MAPKAPK5: variants seen among roughly 807,000 people sequenced by gnomAD.
MAPKAPK5 encodes the protein MAPK activated protein kinase 5.
A neutral mutation model predicts 65.1 loss-of-function variants in MAPKAPK5; 30 were observed. The ratio of observed to expected loss-of-function variants is 0.46; its 90% confidence interval spans 0.34 to 0.63. The LOEUF (loss-of-function observed/expected upper bound fraction) is 0.63. Among genes scored for constraint, MAPKAPK5 ranks in the 20% least tolerant of loss-of-function variants. The pLI is 0.01. For missense variants in MAPKAPK5, 433 were observed against 581.4 expected, an observed-to-expected ratio of 0.74 and a Z score of 2.63; for synonymous variants, 179 against 204.6, an observed-to-expected ratio of 0.87 and a Z score of 1.07.
At chr12:111,867,776 T>C in intron 4 of MAPKAPK5, 107 bp downstream of exon 4, 1 of 801,228 alleles carries the variant, frequency 1.2e-6, no homozygotes, top group East Asian at 2.5e-5. Context: ...TTCTTCCTCC[T>C]ACCCTCGCTT....
intron 1 of MAPKAPK5, among the ~76,000 whole-genome samples, chr12:111,864,465 G>T (rs1425937568): frequency 2.6e-5 from 4 of 152,162 alleles, no homozygotes; most frequent in Non-Finnish European, 5.9e-5. Context: ...CTCCTAAAGT[G>T]CTGGGATTAC....
At position 111,899,823 on chromosome 12, in the gene MAPKAPK5, C is replaced by G; in HGVS notation, c.*6762C>G. The G allele has an allele frequency of 2.3e-6, 1 of 434,676 alleles. No individual in the cohort carries two copies. The allele number at this position is 434,676 out of a possible 1,614,324, so 26.9% of individuals were successfully genotyped here. A position where few individuals can be genotyped will look rare whatever the true frequency, so the allele number is the denominator to read the frequency against. ...TACAGCATTGAGCCCATGGACTCTT[C>G]AAGACGGTTTGAACATGTGTTATAC... is the stretch of plus-strand genomic sequence containing the variant. On this transcript the variant is annotated 3_prime_UTR_variant, in exon 14 of 14. Coordinates refer to ENST00000550735, the MANE Select transcript of MAPKAPK5 (RefSeq NM_003668.4).
In MAPKAPK5 at chr12:111,897,309, A is replaced by C. The variant is rs955472248; in HGVS notation, c.*4248A>C. On this transcript the variant is annotated 3_prime_UTR_variant, in exon 14 of 14. Coordinates refer to ENST00000550735, the MANE Select transcript of MAPKAPK5 (RefSeq NM_003668.4). ...ATGTTGCTTGTATTCATTTGAGAAA[A>C]AATGAGTTGAAGAAATGGTAATTGT... 2 of 152,218 alleles carry C rather than the reference A, an allele frequency of 1.3e-5. No individual in the cohort carries two copies. Among genetic ancestry groups the C allele is most frequent in the African/African-American group, 4.8e-5 (2 of 41,464 alleles). The allele number at this position is 152,218 out of a possible 1,614,324, so 9.4% of individuals were successfully genotyped here.
rs181868195 is a variant in MAPKAPK5, at chr12:111,897,280, G to A, written c.*4219G>A. The A allele has an allele frequency of 6.6e-6, 1 of 152,316 alleles. No homozygotes were observed. The highest frequency in any genetic ancestry group is 2.4e-5 in the African/African-American group (1 of 41,564). 9.4% of individuals were successfully genotyped at this position (152,316 alleles called of 1,614,324 possible). A position where few individuals can be genotyped will look rare whatever the true frequency, so the allele number is the denominator to read the frequency against. Reference sequence around the variant, plus strand: ...TGGCAGGAATTACTCTTTAAAAAGAGTTTATGTTGCTTGTATTCATTTGAG... The same window carrying A: ...TGGCAGGAATTACTCTTTAAAAAGAATTTATGTTGCTTGTATTCATTTGAG... On this transcript the variant is annotated 3_prime_UTR_variant, in exon 14 of 14. Coordinates refer to ENST00000550735, the MANE Select transcript of MAPKAPK5 (RefSeq NM_003668.4).
At chr12:111,842,920 C>T (rs934477265) in intron 1 of MAPKAPK5, 151 bp downstream of exon 1, 15 of 674,472 alleles carry the variant, frequency 2.2e-5, no homozygotes, top group Admixed American at 4.4e-5. Flanking sequence ...GCTTTACAGC[C>T]CTGGGGCCAA....
At position 111,865,391 on chromosome 12, in the gene MAPKAPK5, A is replaced by C. The variant is rs12423814; in HGVS notation, c.110+68A>C. The C allele has an allele frequency of 9.2e-4, 986 of 1,066,776 alleles. 10 individuals are homozygous for C. The Admixed American group carries it at 0.012, about 13-fold the overall frequency. The allele number at this position is 1,066,776 out of a possible 1,614,324, so 66.1% of individuals were successfully genotyped here. On this transcript the variant is annotated intron_variant, in intron 2 of 13. Coordinates refer to ENST00000550735, the MANE Select transcript of MAPKAPK5 (RefSeq NM_003668.4). ...TGCAAACTCTGAGAAGGGCCATTTG[A>C]AATACATCTTGAATTAGACACATCA...
chr12:111,887,168 G>T (rs1206092712), intron 10 of MAPKAPK5, among the ~76,000 whole-genome samples: 1 of 152,202 alleles, frequency 6.6e-6, no homozygotes, highest in African/African-American at 2.4e-5. Context: ...CAGCTTTGAA[G>T]GGGTAGGGTG....
intron 1 of MAPKAPK5, among the ~76,000 whole-genome samples, chr12:111,852,868 G>T (rs1445794372): frequency 6.6e-6 from 1 of 152,076 alleles, no homozygotes; most frequent in African/African-American, 2.4e-5. Context: ...CTGCCTCCCA[G>T]GTTCAAGCAA....
In MAPKAPK5 at chr12:111,880,079, A is replaced by G. The variant is rs1566264203; in HGVS notation, c.580-368A>G. On this transcript the variant is annotated intron_variant, in intron 7 of 13. Transcript: ENST00000550735. ...TAACACCTAGACTGACATGACTGTC[A>G]TAGTCCCTGATGGTAACAGATGGCT... 1.7e-5 allele frequency: 5 copies of G among 288,220 alleles called. No homozygotes were observed. The South Asian group carries it at 2.0e-4, about 11-fold the overall frequency. The allele number at this position is 288,220 out of a possible 1,614,324, so 17.9% of individuals were successfully genotyped here. A position where few individuals can be genotyped will look rare whatever the true frequency, so the allele number is the denominator to read the frequency against.
At position 111,865,307 on chromosome 12, in the gene MAPKAPK5, A is replaced by G; in HGVS notation, c.94A>G (p.Ile32Val). The change falls in exon 2 of 14, where the codon ATT becomes GTT. Residue 32 changes from isoleucine to valine, a missense_variant. Coordinates refer to ENST00000550735, the MANE Select transcript of MAPKAPK5 (RefSeq NM_003668.4). ...INWTQKLGAG[I>V]SGPVRVCVKK... ...TTGGACTCAGAAGCTGGGAGCTGGA[A>G]TTAGTGGTCCAGTTAGGTAAGAGAT... is the stretch of plus-strand genomic sequence containing the variant. The G allele has an allele frequency of 6.3e-7, 1 of 1,593,168 alleles. No individual in the cohort carries two copies. Among genetic ancestry groups the G allele is most frequent in the Non-Finnish European group, 8.6e-7 (1 of 1,168,840 alleles).
chr12:111,843,065 CCTA>C (rs377053897), intron 1 of MAPKAPK5: 7 of 397,564 alleles, frequency 1.8e-5, no homozygotes, highest in Middle Eastern at 6.2e-4. Flanking sequence ...CGAAGAGAGC[CCTA>C]CTACTACTAC....
chr12:111,885,167 C>A (rs2070363244), intron 9 of MAPKAPK5, among the ~76,000 whole-genome samples: 2 of 152,192 alleles, frequency 1.3e-5, no homozygotes, highest in African/African-American at 4.8e-5. Flanking sequence ...CTGAAGCCAT[C>A]TGTTCAGAAT....
In MAPKAPK5 at chr12:111,897,838, ATC is replaced by A. The variant is rs1166081481; in HGVS notation, c.*4780_*4781del. 3 of 151,988 alleles carry A rather than the reference ATC, an allele frequency of 2.0e-5. No homozygotes were observed. The highest frequency in any genetic ancestry group is 4.4e-5 in the Non-Finnish European group (3 of 68,018). The allele number at this position is 151,988 out of a possible 1,614,324, so 9.4% of individuals were successfully genotyped here. On this transcript the variant is annotated 3_prime_UTR_variant, in exon 14 of 14. Coordinates refer to ENST00000550735, the MANE Select transcript of MAPKAPK5 (RefSeq NM_003668.4). ...CCATTACATTCCTTTCTGTAGTCGTATCTCATATTTGAAAGGTCTCATGTTGT... is the reference window on the plus strand; with the variant it reads ...CCATTACATTCCTTTCTGTAGTCGTATCATATTTGAAAGGTCTCATGTTGT...
At chr12:111,843,255 C>T (rs1321692212) in intron 1 of MAPKAPK5, 4 of 398,506 alleles carry the variant, frequency 1.0e-5, no homozygotes, top group Non-Finnish European at 1.8e-5. Flanking sequence ...AATAGGTTGT[C>T]CTCACTTTTC....
chr12:111,864,348 G>A (rs2069536859), intron 1 of MAPKAPK5, among the ~76,000 whole-genome samples: 3 of 152,202 alleles, frequency 2.0e-5, no homozygotes, highest in Admixed American at 1.3e-4. Flanking sequence ...CTATAGGCAC[G>A]CGCCACCACG....
At position 111,888,073 on chromosome 12, in the gene MAPKAPK5, T is replaced by C. The variant is rs530210878; in HGVS notation, c.970-415T>C. ...GGTCATGTGGCCTCAGCCTTGGCCA[T>C]GTGAGATGGTCAGGGCTCTGAGCTG... is the stretch of plus-strand genomic sequence containing the variant. On this transcript the variant is annotated intron_variant, in intron 10 of 13. Transcript: ENST00000550735. 6 of 183,708 alleles carry C rather than the reference T, an allele frequency of 3.3e-5. No homozygotes were observed. In the South Asian group the frequency reaches 6.9e-4, roughly 21 times the overall value. The allele number at this position is 183,708 out of a possible 1,614,324, so 11.4% of individuals were successfully genotyped here.
At chr12:111,890,166 CT>C in intron 13 of MAPKAPK5, 22 bp downstream of exon 13, 1 of 1,487,318 alleles carries the variant, frequency 6.7e-7, no homozygotes, top group Non-Finnish European at 9.2e-7. Context: ...CATCAACTCC[CT>C]TCCCCAGGAA....
intron 3 of MAPKAPK5, 116 bp downstream of exon 3, chr12:111,866,347 A>G (rs774143671): frequency 2.9e-5 from 23 of 798,272 alleles, no homozygotes; most frequent in Admixed American, 5.7e-5. Flanking sequence ...TTTATGTCCA[A>G]ACTTTACCTC....
Position 111,901,176 on chromosome 12 carries a change from A to G in MAPKAPK5, c.*8115A>G, listed in dbSNP as rs772231061. ...CATTCCTGATGAAGGAGATGTGCAC[A>G]ATGGCACTTACTGTGCACCAAACAA... is the stretch of plus-strand genomic sequence containing the variant. On this transcript the variant is annotated 3_prime_UTR_variant, in exon 14 of 14. Transcript: ENST00000550735. The G allele has an allele frequency of 4.4e-6, 2 of 453,650 alleles. No individual in the cohort carries two copies. Among genetic ancestry groups the G allele is most frequent in the South Asian group, 3.1e-5 (2 of 64,490 alleles). 28.1% of individuals were successfully genotyped at this position (453,650 alleles called of 1,614,324 possible).
Sources: gnomAD v4.1 joint callset for allele counts (sites outside exome capture counted in the v4.1 genomes callset) on GRCh38, gnomAD v4.1.1 for gene constraint, MANE v1.5 for transcripts, NCBI Gene and HGNC (gene_info 2026-07-23, HGNC 2026-07-21) for gene names.